MMUT: variants seen among roughly 807,000 people sequenced by gnomAD.
The protein encoded by MMUT is methylmalonyl-CoA mutase, mitochondrial.
A neutral mutation model predicts 79.9 loss-of-function variants in MMUT; 79 were observed. The ratio of observed to expected loss-of-function variants is 0.99; its 90% CI spans 0.82 to 1.19. The LOEUF (loss-of-function observed/expected upper bound fraction) is 1.19. Among genes scored for constraint, MMUT ranks in the 50% most tolerant of loss-of-function variants. The pLI, the probability that MMUT is intolerant of heterozygous loss-of-function variation, is 0.00. For missense variants in MMUT, 860 were observed against 917.2 expected (o/e 0.94, Z 0.81); for synonymous variants, 273 against 295.7 (o/e 0.92, Z 0.79).
chr6:49,441,181 A>G (rs1007844345), intron 10 of MMUT, among the ~76,000 whole-genome samples: 11 of 152,204 alleles, frequency 7.2e-5, no homozygotes, highest in Non-Finnish European at 1.5e-4. Flanking sequence ...ATCATCAAAA[A>G]GCTAGTTCTT....
Position 49,451,591 on chromosome 6 carries a change from G to T in MMUT, c.1207C>A (p.Arg403=). ...ALGLPTVKSA[R]IARNTQIIIQ... ...ATGATTTGTGTGTTCCTGGCAATTC[G>T]AGCACTTTTCACAGTTGGCAAACCC... Residue 403 remains arginine, a synonymous_variant, in exon 6 of 13, where the codon CGA becomes AGA. Transcript: ENST00000274813. The T allele has an allele frequency of 6.2e-7, 1 of 1,614,060 alleles. No homozygotes were observed. The highest frequency in any genetic ancestry group is 1.1e-5 in the South Asian group (1 of 91,068).
At chr6:49,435,349 G>A (rs1767093135) in intron 12 of MMUT, 107 bp downstream of exon 12, 8 of 1,170,368 alleles carry the variant, frequency 6.8e-6, no homozygotes, top group Non-Finnish European at 1.0e-5. Context: ...GAAATCACCA[G>A]GAAATAATAT....
At position 49,439,851 on chromosome 6, in the gene MMUT, G is replaced by A. The variant is rs141739831; in HGVS notation, c.1956+355C>T. 3.4e-4 allele frequency among the ~76,000 whole-genome samples: 52 copies of A among 152,284 alleles called. 1 individual carries two copies. The East Asian group carries it at 9.6e-3, about 28-fold the overall frequency. Reference sequence around the variant, plus strand: ...AAGTCCAGTATGTTTGCTACTTCTTGCTCACTGGATTTAATCAGTATAATG... The same window carrying A: ...AAGTCCAGTATGTTTGCTACTTCTTACTCACTGGATTTAATCAGTATAATG... On this transcript the variant is annotated intron_variant, in intron 11 of 12. Coordinates refer to ENST00000274813, the MANE Select transcript of MMUT (RefSeq NM_000255.4).
Position 49,459,289 on chromosome 6 carries a change from T to C in MMUT, c.178A>G (p.Ile60Val). ...QLKGKNPEDL[I>V]WHTPEGISIK... ...GAGATCCCTTCCGGGGTGTGCCATATTAGGTCTTCTGGGTTTTTGCCTTTC... is the reference window on the plus strand; with the variant it reads ...GAGATCCCTTCCGGGGTGTGCCATACTAGGTCTTCTGGGTTTTTGCCTTTC... The change falls in exon 2 of 13, where the codon ATA (isoleucine) becomes GTA (valine). Residue 60 changes from isoleucine to valine, a missense_variant. Coordinates refer to ENST00000274813, the MANE Select transcript of MMUT (RefSeq NM_000255.4). 1.9e-6 allele frequency: 3 copies of C among 1,614,174 alleles called. No individual in the cohort carries two copies. Among genetic ancestry groups the C allele is most frequent in the Non-Finnish European group, 2.5e-6 (3 of 1,180,028 alleles).
At chr6:49,462,604 G>A (rs752348816) in intron 1 of MMUT, among the ~76,000 whole-genome samples, 1 of 152,126 alleles carries the variant, frequency 6.6e-6, no homozygotes, top group Admixed American at 6.5e-5. Flanking sequence ...ATTTAGACCT[G>A]TCTTTTCTAT....
chr6:49,444,535 G>C, intron 9 of MMUT, 104 bp downstream of exon 9: 1 of 872,634 alleles, frequency 1.1e-6, no homozygotes, highest in Non-Finnish European at 1.9e-6. Flanking sequence ...TTTTCTTTTG[G>C]GCTCACATGG....
intron 11 of MMUT, among the ~76,000 whole-genome samples, chr6:49,436,213 G>T (rs984473891): frequency 8.5e-5 from 13 of 152,180 alleles, no homozygotes; most frequent in African/African-American, 3.1e-4. Flanking sequence ...AGACGACAGT[G>T]TGGTGATTCC....
At chr6:49,454,169 G>A (rs919572627) in intron 4 of MMUT, among the ~76,000 whole-genome samples, 1 of 152,154 alleles carries the variant, frequency 6.6e-6, no homozygotes, top group African/African-American at 2.4e-5. Context: ...GAATGATTGT[G>A]CATTGGTCTA....
intron 1 of MMUT, among the ~76,000 whole-genome samples, chr6:49,461,416 T>A (rs1216282911): frequency 1.3e-5 from 2 of 152,180 alleles, no homozygotes; most frequent in African/African-American, 4.8e-5. Context: ...AGACACGTAA[T>A]TGTAAGTGCA....
chr6:49,454,620 C>A (rs1767641817), intron 4 of MMUT, among the ~76,000 whole-genome samples: 1 of 152,212 alleles, frequency 6.6e-6, no homozygotes, highest in African/African-American at 2.4e-5. Context: ...GAAAGAAGTT[C>A]TTAACACAGC....
rs1162742566 is a variant in MMUT, at chr6:49,440,255, G to A, written c.1907C>T (p.Thr636Ile). The change falls in exon 11 of 13, where the codon ACA becomes ATA. Residue 636 changes from threonine (T) to isoleucine (I), a missense_variant. Thr to Ile is a moderately conservative substitution (Grantham distance 89, BLOSUM62 -1). Coordinates refer to ENST00000274813, the MANE Select transcript of MMUT (RefSeq NM_000255.4). ...GHDRGAKVIA[T>I]GFADLGFDVD... ...ATCAAAACCAAGATCAGCAAATCCT[G>A]TAGCAATAACTTTTGCTCCTCTGTC... 5.0e-6 allele frequency: 8 copies of A among 1,614,070 alleles called. No homozygotes were observed. The highest frequency in any genetic ancestry group is 4.2e-6 in the Non-Finnish European group (5 of 1,179,974).
chr6:49,433,892 A>G (rs1767053474), intron 12 of MMUT, among the ~76,000 whole-genome samples: 1 of 152,212 alleles, frequency 6.6e-6, no homozygotes, highest in East Asian at 1.9e-4. Context: ...CAAAAGTATA[A>G]CACAGAAAAT....
rs950715856 is a variant in MMUT at position 49,456,336 on chromosome 6, T to A, written c.754-99A>T. 1.1e-4 allele frequency: 96 copies of A among 842,484 alleles called. No individual in the cohort carries two copies. In the Admixed American group the frequency reaches 1.4e-3, roughly 12 times the overall value. 52.2% of individuals were successfully genotyped at this position (842,484 alleles called of 1,614,324 possible). On this transcript the variant is annotated intron_variant, in intron 3 of 12. Transcript: ENST00000274813. ...CATAAACATTATTTTAAAATGATGTTAAATTCAAATAAACTTGGTAGTTCA... is the reference window on the plus strand; with the variant it reads ...CATAAACATTATTTTAAAATGATGTAAAATTCAAATAAACTTGGTAGTTCA...
Position 49,453,633 on chromosome 6 carries a change from A to G in MMUT, c.1035T>C (p.Leu345=). The change falls in exon 5 of 13, where the codon CTT becomes CTC. Residue 345 remains leucine (L), a synonymous_variant. Transcript: ENST00000274813. The part of the protein sequence containing the change: ...KMFQPKNSKS[L]LLRAHCQTSG... ...ATGTCTGACAGTGTGCTCTTAGAAG[A>G]AGAGATTTTGAGTTTTTAGGCTGAA... 2 of 1,613,004 alleles carry G rather than the reference A, an allele frequency of 1.2e-6. No homozygotes were observed. Among genetic ancestry groups the G allele is most frequent in the Non-Finnish European group, 1.7e-6 (2 of 1,179,336 alleles).
intron 4 of MMUT, among the ~76,000 whole-genome samples, chr6:49,455,385 C>A (rs1163755291): frequency 1.3e-5 from 2 of 152,166 alleles, no homozygotes; most frequent in East Asian, 3.9e-4. Context: ...CTTAGCAATG[C>A]CCAACTGTTC....
At chr6:49,435,851 A>C (rs1323703140) in intron 11 of MMUT, among the ~76,000 whole-genome samples, 1 of 152,258 alleles carries the variant, frequency 6.6e-6, no homozygotes, top group Non-Finnish European at 1.5e-5. Flanking sequence ...GTAAACAGAT[A>C]ACCTACAGAA....
chr6:49,447,195 TA>T (rs1186584118), intron 8 of MMUT, among the ~76,000 whole-genome samples: 1 of 151,930 alleles, frequency 6.6e-6, no homozygotes, highest in Non-Finnish European at 1.5e-5. Flanking sequence ...AGTTGAATTT[TA>T]AAAATCAAAA....
rs12175488 is a variant in MMUT at position 49,456,163 on chromosome 6, C to T, written c.828G>A (p.Glu276=). ...ATCCATCTGCTAAAGTATAGGCCAG[C>T]TCCAGAATGGCATCAGCCCCTGCTT... ...MQEAGADAIL[E]LAYTLADGLE... Residue 276 remains glutamate (E), a synonymous_variant, in exon 4 of 13, where the codon GAG becomes GAA. Coordinates refer to ENST00000274813, the MANE Select transcript of MMUT (RefSeq NM_000255.4). 9.3e-6 allele frequency: 15 copies of T among 1,611,614 alleles called. No homozygotes were observed. Among genetic ancestry groups the T allele is most frequent in the South Asian group, 3.3e-5 (3 of 91,040 alleles).
chr6:49,457,206 T>C (rs1486965124), intron 3 of MMUT, among the ~76,000 whole-genome samples: 1 of 152,166 alleles, frequency 6.6e-6, no homozygotes, highest in Non-Finnish European at 1.5e-5. Context: ...AGGAGGAAAA[T>C]GTGTCCCTAT....
Sources: gnomAD v4.1 joint callset for allele counts (sites outside exome capture counted in the v4.1 genomes callset) on GRCh38, gnomAD v4.1.1 for gene constraint, MANE v1.5 for transcripts, NCBI Gene and HGNC (gene_info 2026-07-23, HGNC 2026-07-21) for gene names.